ERC2: variants seen among roughly 807,000 people sequenced by gnomAD.
ERC2 encodes the protein ELKS/RAB6-interacting/CAST family member 2.
In ERC2, 42 loss-of-function variants were observed where a neutral mutation model predicts 114.8. That is an observed-to-expected ratio of 0.37 (90% confidence interval 0.29 to 0.47). The LOEUF is 0.47. Ranked by LOEUF, ERC2 falls within the 20% of genes least tolerant of loss-of-function variation. The pLI is 0.99. For missense variants in ERC2, 939 were observed against 1,150.7 expected, an observed-to-expected ratio of 0.82 and a Z score of 2.66; for synonymous variants, 454 against 425.5, an observed-to-expected ratio of 1.07 and a Z score of -0.82.
chr3:55,942,105 C>T (rs12635403), intron 13 of ERC2, among the ~76,000 whole-genome samples: 43,392 of 151,750 alleles, frequency 0.29, 7,406 homozygotes, highest in Middle Eastern at 0.36. Context: ...CAGTGGGTTG[C>T]ACAAATGGCA....
At chr3:56,444,435 T>C (rs1438951405) in intron 1 of ERC2, among the ~76,000 whole-genome samples, 1 of 152,148 alleles carries the variant, frequency 6.6e-6, no homozygotes, top group Non-Finnish European at 1.5e-5. Context: ...AAGAAACTCA[T>C]GAATAAAATT....
intron 17 of ERC2, among the ~76,000 whole-genome samples, chr3:55,637,196 C>T (rs1187963867): frequency 6.6e-6 from 1 of 152,194 alleles, no homozygotes; most frequent in Non-Finnish European, 1.5e-5. Flanking sequence ...CCAATGATAG[C>T]ACTCCTTTGT....
chr3:56,330,713 C>T lies in ERC2; in HGVS notation c.658-34278G>A, dbSNP rs1050668263. ...ATGCACAATGGAGCATTTTGGATTT[C>T]GAATTTGGGATAATGCAAATATTCC... On this transcript the variant is annotated intron_variant, in intron 2 of 17. Transcript: ENST00000288221. 2.6e-5 allele frequency among the ~76,000 whole-genome samples: 4 copies of T among 152,040 alleles called. 1 individual carries two copies. The highest frequency in any genetic ancestry group is 4.1e-4 in the South Asian group (2 of 4,822).
intron 2 of ERC2, among the ~76,000 whole-genome samples, chr3:56,401,898 G>A (rs2060534174): frequency 1.3e-5 from 2 of 152,298 alleles, no homozygotes; most frequent in East Asian, 3.9e-4. Flanking sequence ...AAGGAAAGAG[G>A]TTTAATTGAC....
intron 3 of ERC2, among the ~76,000 whole-genome samples, chr3:56,182,969 C>A (rs771694124): frequency 3.4e-4 from 52 of 151,926 alleles, no homozygotes; most frequent in Non-Finnish European, 5.6e-4. Context: ...CAAAAAAAAA[C>A]CACAATTACT....
At chr3:55,663,554 C>G (rs1451511724) in intron 17 of ERC2, among the ~76,000 whole-genome samples, 1 of 152,146 alleles carries the variant, frequency 6.6e-6, no homozygotes, top group Non-Finnish European at 1.5e-5. Context: ...TATGCCCCAG[C>G]CCCCACCTCG....
At chr3:56,245,214 C>T (rs2051599948) in intron 3 of ERC2, among the ~76,000 whole-genome samples, 1 of 150,944 alleles carries the variant, frequency 6.6e-6, no homozygotes, top group Non-Finnish European at 1.5e-5. Flanking sequence ...ATAAATTCTG[C>T]TCACATTTTA....
chr3:55,894,170 A>G (rs2063738352), intron 13 of ERC2, among the ~76,000 whole-genome samples: 1 of 152,212 alleles, frequency 6.6e-6, no homozygotes. Context: ...TGTAAGAAAA[A>G]TAAAATAGTA....
At chr3:56,459,697 C>T (rs2063224617) in intron 1 of ERC2, among the ~76,000 whole-genome samples, 1 of 152,348 alleles carries the variant, frequency 6.6e-6, no homozygotes, top group African/African-American at 2.4e-5. Flanking sequence ...CCTTCCAACT[C>T]TTCATCCAGT....
chr3:55,713,980 T>C (rs2063932989), intron 15 of ERC2, among the ~76,000 whole-genome samples: 1 of 152,250 alleles, frequency 6.6e-6, no homozygotes, highest in Admixed American at 6.5e-5. Flanking sequence ...TAGCATTACT[T>C]AATCTTCAGG....
At chr3:55,792,225 A>G (rs1046926521) in intron 14 of ERC2, among the ~76,000 whole-genome samples, 1 of 152,176 alleles carries the variant, frequency 6.6e-6, no homozygotes, top group Non-Finnish European at 1.5e-5. Context: ...TGAGGTTAAG[A>G]CTGGGTAAAT....
intron 7 of ERC2, among the ~76,000 whole-genome samples, chr3:56,048,643 AT>A (rs1475334040): frequency 1.3e-5 from 2 of 152,130 alleles, no homozygotes; most frequent in Non-Finnish European, 2.9e-5. Context: ...TTCCTTCTCA[AT>A]ATGCCTGGTT....
intron 17 of ERC2, among the ~76,000 whole-genome samples, chr3:55,542,504 T>C (rs1333687778): frequency 6.6e-6 from 1 of 152,122 alleles, no homozygotes; most frequent in African/African-American, 2.4e-5. Context: ...AACTCATCTC[T>C]CTCTCTCTTT....
intron 3 of ERC2, among the ~76,000 whole-genome samples, chr3:56,282,677 G>GCT (rs2054426686): frequency 7.1e-6 from 1 of 141,256 alleles, no homozygotes; most frequent in African/African-American, 2.5e-5. Flanking sequence ...ATCTAACAGT[G>GCT]GTGCTGCTGC....
chr3:56,065,536 A>G (rs1249672556), intron 7 of ERC2, among the ~76,000 whole-genome samples: 1 of 151,942 alleles, frequency 6.6e-6, no homozygotes, highest in South Asian at 2.1e-4. Flanking sequence ...AAAAAAAAAA[A>G]GCATTTTATT....
chr3:56,349,179 T>C (rs2058453893), intron 2 of ERC2, among the ~76,000 whole-genome samples: 1 of 152,002 alleles, frequency 6.6e-6, no homozygotes, highest in Non-Finnish European at 1.5e-5. Context: ...TGTTCTGGAG[T>C]TCTAAATGAC....
intron 2 of ERC2, among the ~76,000 whole-genome samples, chr3:56,420,240 A>G (rs2061335416): frequency 7.9e-6 from 1 of 126,668 alleles, no homozygotes; most frequent in Non-Finnish European, 1.6e-5. Context: ...GCTGGAGTGC[A>G]GTAGAATGAA....
intron 6 of ERC2, 102 bp downstream of exon 6, chr3:56,139,407 C>T: frequency 8.7e-7 from 1 of 1,150,958 alleles, no homozygotes. Flanking sequence ...CATCTGGCCC[C>T]AAGGGTTAGG....
intron 13 of ERC2, among the ~76,000 whole-genome samples, chr3:55,889,069 C>T (rs2063491009): frequency 6.6e-6 from 1 of 152,160 alleles, no homozygotes; most frequent in South Asian, 2.1e-4. Flanking sequence ...AGTGGCTTGA[C>T]CCAATTTCAA....
Sources: allele counts gnomAD v4.1 joint callset (sites outside exome capture counted in the v4.1 genomes callset), GRCh38; gene constraint gnomAD v4.1.1; transcripts MANE v1.5; gene names NCBI Gene and HGNC (gene_info 2026-07-23, HGNC 2026-07-21).